The following CECR2 variants were observed in gnomAD, a reference collection of about 807,000 sequenced individuals.
CECR2 encodes chromatin remodeling regulator CECR2.
A neutral mutation model predicts 154.5 loss-of-function variants in CECR2; 30 were observed. The observed-to-expected ratio is 0.19, with a 90% CI of 0.15 to 0.26. The LOEUF is 0.26. Among genes scored for constraint, CECR2 ranks in the 10% least tolerant of loss-of-function variants. The probability of loss-of-function intolerance (pLI) is 1.00; values close to 1 mark genes in which losing one functional copy is unlikely to be tolerated. For synonymous variants in CECR2, 725 were observed against 683.7 expected, an observed-to-expected ratio of 1.06 and a Z score of -0.94; for missense variants, 1,743 against 1,829.3, an observed-to-expected ratio of 0.95 and a Z score of 0.86.
rs776093669 is a variant in CECR2 at position 17,542,618 on chromosome 22, A to G, written c.2475A>G (p.Glu825=). 23 of 1,613,844 alleles carry G rather than the reference A, an allele frequency of 1.4e-5. 1 individual carries two copies. The South Asian group carries it at 2.1e-4, about 15-fold the overall frequency. Residue 825 remains glutamate, a synonymous_variant, in exon 16 of 19, where the codon GAA becomes GAG. Coordinates refer to ENST00000262608, the MANE Select transcript of CECR2 (RefSeq NM_001290047.2). ...CTGTCCCCCCCAACCAGTGGACTGA[A>G]CAATCAGGCTTCCTACCTCATGGAG... ...RPPVPPNQWT[E]QSGFLPHGVP...
chr22:17,537,369 C>A, intron 10 of CECR2, 137 bp downstream of exon 10: 1 of 990,382 alleles, frequency 1.0e-6, no homozygotes, highest in Non-Finnish European at 1.5e-6. Context: ...CAGGGCGGGC[C>A]CTGCACACAC....
At chr22:17,404,363 T>TC (rs764727751) in intron 1 of CECR2, among the ~76,000 whole-genome samples, 14 of 70,836 alleles carry the variant, frequency 2.0e-4, no homozygotes, top group African/African-American at 8.3e-4. Flanking sequence ...TGGACCCTGT[T>TC]CTTTCTTTTT....
intron 1 of CECR2, among the ~76,000 whole-genome samples, chr22:17,447,775 G>A (rs751051849): frequency 6.6e-6 from 1 of 151,996 alleles, no homozygotes; most frequent in Non-Finnish European, 1.5e-5. Flanking sequence ...ATTGTTCAGA[G>A]CCCTGTTGTC....
chr22:17,436,380 A>G (rs1458199469), intron 1 of CECR2, among the ~76,000 whole-genome samples: 2 of 152,258 alleles, frequency 1.3e-5, no homozygotes, highest in Admixed American at 6.5e-5. Context: ...TATTATAGCA[A>G]CAACATTAGC....
Position 17,534,246 on chromosome 22 carries a change from T to C in CECR2, c.1109-2857T>C, listed in dbSNP as rs1270681995. On this transcript the variant is annotated intron_variant, in intron 9 of 18. Coordinates refer to ENST00000262608, the MANE Select transcript of CECR2 (RefSeq NM_001290047.2). ...GAGTCTGATGTGGGAGGATCCGTTATGCACAGGAGTTCAAGGTTGCAGTGA... is the reference window on the plus strand; with the variant it reads ...GAGTCTGATGTGGGAGGATCCGTTACGCACAGGAGTTCAAGGTTGCAGTGA... Among the ~76,000 whole-genome samples, 3 of 152,206 alleles carry C rather than the reference T, an allele frequency of 2.0e-5. No individual in the cohort carries two copies. The East Asian group carries it at 5.8e-4, about 30-fold the overall frequency.
At chr22:17,393,944 A>G (rs1294681873) in intron 1 of CECR2, among the ~76,000 whole-genome samples, 3 of 148,668 alleles carry the variant, frequency 2.0e-5, no homozygotes, top group African/African-American at 7.5e-5. Context: ...CTGGAGTGCA[A>G]TGGCGCGATC....
chr22:17,397,018 G>A (rs545936784), intron 1 of CECR2, among the ~76,000 whole-genome samples: 15 of 152,262 alleles, frequency 9.9e-5, no homozygotes, highest in Admixed American at 3.3e-4. Flanking sequence ...GGGAATCTGT[G>A]GCAGTTAGTG....
chr22:17,527,593 C>T (rs546602172), intron 9 of CECR2, among the ~76,000 whole-genome samples: 3 of 152,088 alleles, frequency 2.0e-5, no homozygotes, highest in South Asian at 2.1e-4. Context: ...ATGGCAAAAC[C>T]CTGCCTCTAC....
At chr22:17,360,837 C>T (rs542628640) in intron 1 of CECR2, among the ~76,000 whole-genome samples, 4 of 124,884 alleles carry the variant, frequency 3.2e-5, no homozygotes, top group African/African-American at 1.4e-4. Flanking sequence ...AAGTGAGACC[C>T]TGTCTCAAAC....
At position 17,553,803 on chromosome 22, in the gene CECR2, C is replaced by T. The variant is rs972221775; in HGVS notation, c.*963C>T. 5 of 152,196 alleles carry T rather than the reference C, an allele frequency of 3.3e-5. No individual in the cohort carries two copies. The highest frequency in any genetic ancestry group is 7.3e-5 in the Non-Finnish European group (5 of 68,042). 9.4% of individuals were successfully genotyped at this position (152,196 alleles called of 1,614,324 possible). A position where few individuals can be genotyped will look rare whatever the true frequency, so the allele number is the denominator to read the frequency against. Reference sequence around the variant, plus strand: ...TTTCACGTATTAGAAGATGAATCGTCCTCATCACAGACCTCCCTGTCAGGA... The same window carrying T: ...TTTCACGTATTAGAAGATGAATCGTTCTCATCACAGACCTCCCTGTCAGGA... On this transcript the variant is annotated 3_prime_UTR_variant, in exon 19 of 19. Transcript: ENST00000262608.
chr22:17,438,551 G>A (rs139266295), intron 1 of CECR2, among the ~76,000 whole-genome samples: 4 of 152,070 alleles, frequency 2.6e-5, no homozygotes, highest in Non-Finnish European at 5.9e-5. Context: ...CCCGCAGGCC[G>A]CCTGCAGCCC....
Position 17,500,681 on chromosome 22 carries a change from AAAG to A in CECR2, c.601_603del (p.Arg201del). ...TCAAGTATTCCTGGAAAAACGGGAA[AAAG>A]AAGAGGAAGACCCCCAAAACGGAAG... On this transcript the variant is annotated inframe_deletion, in exon 5 of 19. Transcript: ENST00000262608. 6.4e-7 allele frequency: 1 copy of A among 1,558,388 alleles called. No individual in the cohort carries two copies. Among genetic ancestry groups the A allele is most frequent in the Non-Finnish European group, 8.7e-7 (1 of 1,151,198 alleles).
At chr22:17,511,491 G>A (rs898528719) in intron 7 of CECR2, among the ~76,000 whole-genome samples, 3 of 151,188 alleles carry the variant, frequency 2.0e-5, no homozygotes, top group Admixed American at 6.6e-5. Flanking sequence ...ATAAAGCATG[G>A]CTTTCCCTTT....
At chr22:17,496,661 T>TA (rs1390647649) in intron 2 of CECR2, among the ~76,000 whole-genome samples, 1 of 152,190 alleles carries the variant, frequency 6.6e-6, no homozygotes, top group East Asian at 1.9e-4. Context: ...ACCTGAAATA[T>TA]AAATTAGGTT....
chr22:17,402,483 A>G (rs1343132391), intron 1 of CECR2, among the ~76,000 whole-genome samples: 2 of 152,208 alleles, frequency 1.3e-5, no homozygotes, highest in Non-Finnish European at 2.9e-5. Context: ...AGAGGCTGCC[A>G]TAAGACAGTG....
At position 17,373,679 on chromosome 22, in the gene CECR2, C is replaced by T. The variant is rs9617999; in HGVS notation, c.126+3770C>T. On this transcript the variant is annotated intron_variant, in intron 1 of 18. Transcript: ENST00000262608. Reference sequence around the variant, plus strand: ...AGTTGATATAAACAGATGAATGACACTGAATTCAGTAGTTGATATAAACAG... The same window carrying T: ...AGTTGATATAAACAGATGAATGACATTGAATTCAGTAGTTGATATAAACAG... Among the ~76,000 whole-genome samples, 555 of 152,280 alleles carry T rather than the reference C, an allele frequency of 3.6e-3. 7 individuals are homozygous for T. The highest frequency in any genetic ancestry group is 0.013 in the African/African-American group (537 of 41,550).
intron 3 of CECR2, among the ~76,000 whole-genome samples, chr22:17,498,172 C>T (rs2055665597): frequency 6.6e-6 from 1 of 152,118 alleles, no homozygotes; most frequent in Admixed American, 6.6e-5. Flanking sequence ...AGGCAGATCA[C>T]GAAGTCAGGA....
At chr22:17,371,390 G>T (rs2063059046) in intron 1 of CECR2, among the ~76,000 whole-genome samples, 2 of 152,272 alleles carry the variant, frequency 1.3e-5, no homozygotes, top group South Asian at 4.1e-4. Context: ...GGCATTTTAC[G>T]TGGCGCCACA....
At chr22:17,523,000 A>C (rs2056183251) in intron 8 of CECR2, among the ~76,000 whole-genome samples, 1 of 144,742 alleles carries the variant, frequency 6.9e-6, no homozygotes, top group African/African-American at 2.5e-5. Context: ...GCAAGACTCC[A>C]TCTCGGGGGG....
Sources: allele counts gnomAD v4.1 joint callset (sites outside exome capture counted in the v4.1 genomes callset), GRCh38; gene constraint gnomAD v4.1.1; transcripts MANE v1.5; gene names NCBI Gene and HGNC (gene_info 2026-07-23, HGNC 2026-07-21).